Variants in KCNH1 observed in about 807,000 individuals in gnomAD.
KCNH1 encodes voltage-gated delayed rectifier potassium channel KCNH1.
A neutral mutation model predicts 69.2 loss-of-function variants in KCNH1; 27 were observed. The observed-to-expected ratio is 0.39, with a 90% CI of 0.29 to 0.54. The LOEUF (loss-of-function observed/expected upper bound fraction) is 0.54, where lower values mean the gene tolerates loss of function less well. Ranked by LOEUF, KCNH1 falls within the 20% of genes least tolerant of loss-of-function variation. The pLI is 0.68. For synonymous variants in KCNH1, 456 were observed against 487.7 expected (o/e 0.93, Z 0.86); for missense variants, 798 against 1,261.6 (o/e 0.63, Z 5.57).
chr1:210,938,103 C>T (rs1687806882), intron 6 of KCNH1, among the ~76,000 whole-genome samples: 1 of 152,180 alleles, frequency 6.6e-6, no homozygotes, highest in African/African-American at 2.4e-5. Flanking sequence ...TTCAGTCTAT[C>T]TCCTAACCCC....
intron 5 of KCNH1, among the ~76,000 whole-genome samples, chr1:211,023,789 A>G (rs1482785644): frequency 6.6e-6 from 1 of 152,194 alleles, no homozygotes; most frequent in Admixed American, 6.5e-5. Context: ...TTATCATCCT[A>G]TCACATGTAC....
chr1:210,990,369 G>A (rs951044740), intron 6 of KCNH1, among the ~76,000 whole-genome samples: 4 of 152,174 alleles, frequency 2.6e-5, no homozygotes, highest in African/African-American at 7.2e-5. Flanking sequence ...GCAGCATCCC[G>A]GAGGGGCCTG....
chr1:211,117,711 A>G (rs1691606609), intron 1 of KCNH1, among the ~76,000 whole-genome samples: 1 of 152,206 alleles, frequency 6.6e-6, no homozygotes, highest in South Asian at 2.1e-4. Flanking sequence ...AACAAGTTGA[A>G]TTCTAGTCAC....
chr1:210,904,783 G>A (rs890362859), intron 7 of KCNH1, among the ~76,000 whole-genome samples: 8 of 152,172 alleles, frequency 5.3e-5, no homozygotes, highest in African/African-American at 1.7e-4. Context: ...ACCATGCCAG[G>A]AATTCCACAG....
chr1:211,101,285 A>G (rs550986617), intron 3 of KCNH1, among the ~76,000 whole-genome samples: 2 of 151,302 alleles, frequency 1.3e-5, no homozygotes, highest in Admixed American at 6.6e-5. Flanking sequence ...TAGTGGGTCA[A>G]TAAAAAGCTA....
At chr1:210,871,869 A>AGGAAGG (rs925516061) in intron 7 of KCNH1, among the ~76,000 whole-genome samples, 8 of 123,880 alleles carry the variant, frequency 6.5e-5, no homozygotes, top group Admixed American at 1.0e-4. Context: ...ACATGGACAC[A>AGGAAGG]GGAAGGGGAA....
At chr1:210,985,582 G>T (rs1473334499) in intron 6 of KCNH1, among the ~76,000 whole-genome samples, 4 of 152,152 alleles carry the variant, frequency 2.6e-5, no homozygotes, top group Non-Finnish European at 5.9e-5. Context: ...TTTCTATGTA[G>T]TTGAGTGGTT....
intron 7 of KCNH1, among the ~76,000 whole-genome samples, chr1:210,908,835 AG>A (rs1175395947): frequency 9.8e-5 from 15 of 152,294 alleles, no homozygotes; most frequent in African/African-American, 3.6e-4. Context: ...GGAGGAACAA[AG>A]GATCATCCTC....
chr1:211,004,914 C>A (rs1014220325), intron 6 of KCNH1, among the ~76,000 whole-genome samples: 3 of 151,780 alleles, frequency 2.0e-5, no homozygotes, highest in Non-Finnish European at 4.4e-5. Flanking sequence ...TGTTAAGGTT[C>A]AAATTAGCAG....
At chr1:211,032,442 C>T (rs1394263549) in intron 5 of KCNH1, among the ~76,000 whole-genome samples, 35 of 152,232 alleles carry the variant, frequency 2.3e-4, no homozygotes, top group East Asian at 1.9e-3. Context: ...AAAAAAGAGC[C>T]GGCATTGCCA....
intron 7 of KCNH1, among the ~76,000 whole-genome samples, chr1:210,901,423 C>T (rs1241901750): frequency 6.6e-6 from 1 of 152,166 alleles, no homozygotes. Context: ...TGACTCTCCA[C>T]ATGGCAGTGG....
chr1:210,931,397 TA>T (rs1459071249), intron 6 of KCNH1, among the ~76,000 whole-genome samples: 80 of 152,320 alleles, frequency 5.3e-4, no homozygotes, highest in Admixed American at 9.8e-4. Context: ...ACTATTATTC[TA>T]AATGAAGTTA....
intron 10 of KCNH1, among the ~76,000 whole-genome samples, chr1:210,708,351 C>A: frequency 6.6e-6 from 1 of 152,082 alleles, no homozygotes; most frequent in East Asian, 1.9e-4. Flanking sequence ...TCCTCCCAGC[C>A]AGAAGTGTAC....
intron 3 of KCNH1, among the ~76,000 whole-genome samples, chr1:211,101,441 CA>C (rs1691255694): frequency 6.6e-6 from 1 of 152,140 alleles, no homozygotes; most frequent in African/African-American, 2.4e-5. Context: ...AGGAAGAAAA[CA>C]ACATTATCTG....
intron 5 of KCNH1, among the ~76,000 whole-genome samples, chr1:211,041,002 T>C (rs887751519): frequency 6.6e-6 from 1 of 152,184 alleles, no homozygotes; most frequent in African/African-American, 2.4e-5. Context: ...TTTCTTCCCA[T>C]CAACCTCTCT....
intron 5 of KCNH1, among the ~76,000 whole-genome samples, chr1:211,071,007 T>C (rs897676357): frequency 5.3e-5 from 8 of 152,142 alleles, no homozygotes; most frequent in Non-Finnish European, 1.2e-4. Flanking sequence ...GCCTTACCAA[T>C]AATATAAAGT....
intron 9 of KCNH1, among the ~76,000 whole-genome samples, chr1:210,786,458 T>G (rs1304507329): frequency 6.6e-6 from 1 of 152,180 alleles, no homozygotes; most frequent in Non-Finnish European, 1.5e-5. Flanking sequence ...CCTTGACTTC[T>G]GTTATATCCC....
intron 7 of KCNH1, among the ~76,000 whole-genome samples, chr1:210,819,008 C>T (rs1349497038): frequency 6.6e-6 from 1 of 151,966 alleles, no homozygotes; most frequent in Admixed American, 6.6e-5. Flanking sequence ...CCATTGGATG[C>T]CTTATTTTTT....
chr1:210,713,081 T>G (rs1682118779), intron 10 of KCNH1, among the ~76,000 whole-genome samples: 3 of 152,350 alleles, frequency 2.0e-5, no homozygotes, highest in Admixed American at 6.5e-5. Flanking sequence ...TTTGTCAATT[T>G]ATTTTATTCA....
Sources: gnomAD v4.1 joint callset for allele counts (sites outside exome capture counted in the v4.1 genomes callset) on GRCh38, gnomAD v4.1.1 for gene constraint, MANE v1.5 for transcripts, NCBI Gene and HGNC (gene_info 2026-07-23, HGNC 2026-07-21) for gene names.